Variants in ADK observed in about 807,000 individuals in gnomAD.
ADK encodes the protein adenosine kinase.
A neutral mutation model predicts 44.7 loss-of-function variants in ADK; 24 were observed. That is an observed-to-expected ratio of 0.54 (90% confidence interval 0.39 to 0.76). The LOEUF (loss-of-function observed/expected upper bound fraction) is 0.76, where lower values mean the gene tolerates loss of function less well. ADK is among the 30% of genes least tolerant of loss of function. The pLI is 0.00. For synonymous variants in ADK, 128 were observed against 142.6 expected, an observed-to-expected ratio of 0.90 and a Z score of 0.73; for missense variants, 321 against 425.1, an observed-to-expected ratio of 0.76 and a Z score of 2.15.
intron 3 of ADK, among the ~76,000 whole-genome samples, chr10:74,254,651 C>T (rs1368462856): frequency 6.6e-6 from 1 of 151,626 alleles, no homozygotes; most frequent in Non-Finnish European, 1.5e-5. Flanking sequence ...TATCTAATCA[C>T]AGAGTTTGTG....
intron 8 of ADK, 118 bp from the exon 9 acceptor site, chr10:74,600,261 T>C (rs899438693): frequency 4.5e-6 from 3 of 671,458 alleles, no homozygotes; most frequent in Non-Finnish European, 8.0e-6. Context: ...TTTTAATGTC[T>C]CTTAATAGAT....
intron 4 of ADK, among the ~76,000 whole-genome samples, chr10:74,362,209 C>T (rs930012726): frequency 6.6e-6 from 1 of 152,080 alleles, no homozygotes; most frequent in African/African-American, 2.4e-5. Context: ...GAATATTTGC[C>T]CTTTTGATGT....
intron 6 of ADK, among the ~76,000 whole-genome samples, chr10:74,509,159 C>T (rs1010844158): frequency 1.3e-5 from 2 of 151,882 alleles, no homozygotes; most frequent in African/African-American, 4.8e-5. Context: ...AAATAATTTA[C>T]AAATAATAAT....
At chr10:74,379,899 A>G (rs11001021) in intron 4 of ADK, among the ~76,000 whole-genome samples, 18,651 of 151,986 alleles carry the variant, frequency 0.12, 1,202 homozygotes, top group Middle Eastern at 0.17. Context: ...TGGCTTGCAC[A>G]TGTAGTTCTA....
chr10:74,491,012 C>T (rs1037012443), intron 6 of ADK, among the ~76,000 whole-genome samples: 2 of 151,962 alleles, frequency 1.3e-5, no homozygotes, highest in Non-Finnish European at 2.9e-5. Context: ...TTTTTATTCT[C>T]AAAAAATGTA....
intron 3 of ADK, among the ~76,000 whole-genome samples, chr10:74,272,340 A>G (rs1846464576): frequency 6.6e-6 from 1 of 151,834 alleles, no homozygotes; most frequent in Middle Eastern, 3.2e-3. Context: ...GCAGTGGCAT[A>G]ATCATGGCTC....
chr10:74,328,427 TG>T (rs1430215134), intron 4 of ADK, among the ~76,000 whole-genome samples: 15 of 152,138 alleles, frequency 9.9e-5, no homozygotes, highest in African/African-American at 3.6e-4. Context: ...TCTGCATATG[TG>T]GGCTTAGGGG....
At chr10:74,667,872 C>G (rs1262907883) in intron 9 of ADK, among the ~76,000 whole-genome samples, 3 of 152,212 alleles carry the variant, frequency 2.0e-5, no homozygotes, top group Admixed American at 6.5e-5. Flanking sequence ...AAAATAATCT[C>G]TTCCGTTGTC....
chr10:74,257,222 T>G (rs535183557), intron 3 of ADK, among the ~76,000 whole-genome samples: 2 of 152,170 alleles, frequency 1.3e-5, no homozygotes, highest in South Asian at 4.2e-4. Context: ...CCACAGTGGG[T>G]GCTGTGAAAC....
chr10:74,298,754 C>A (rs1168145638), intron 3 of ADK, among the ~76,000 whole-genome samples: 2 of 110,154 alleles, frequency 1.8e-5, no homozygotes, highest in Non-Finnish European at 4.3e-5. Context: ...AAAAAAACCC[C>A]CCAAAAAAAC....
intron 3 of ADK, among the ~76,000 whole-genome samples, chr10:74,270,888 A>G (rs1310967561): frequency 1.3e-5 from 2 of 152,232 alleles, no homozygotes; most frequent in Non-Finnish European, 2.9e-5. Flanking sequence ...CAAGGCAGCA[A>G]TTTGGATTCC....
chr10:74,197,804 T>A (rs1211707322), intron 1 of ADK, among the ~76,000 whole-genome samples: 1 of 152,168 alleles, frequency 6.6e-6, no homozygotes, highest in African/African-American at 2.4e-5. Context: ...TCTGTAAGAC[T>A]GTCTTTACTG....
intron 6 of ADK, among the ~76,000 whole-genome samples, chr10:74,482,342 A>G (rs1291488877): frequency 6.6e-6 from 1 of 152,152 alleles, no homozygotes; most frequent in Non-Finnish European, 1.5e-5. Flanking sequence ...AAACTCATGC[A>G]CTATCACAAG....
At chr10:74,367,472 G>C (rs1842531408) in intron 4 of ADK, among the ~76,000 whole-genome samples, 1 of 152,082 alleles carries the variant, frequency 6.6e-6, no homozygotes, top group Non-Finnish European at 1.5e-5. Flanking sequence ...CTCAAAAATG[G>C]TTAAGAGACA....
At chr10:74,168,716 G>A (rs1012666210) in intron 1 of ADK, among the ~76,000 whole-genome samples, 1 of 151,050 alleles carries the variant, frequency 6.6e-6, no homozygotes, top group Non-Finnish European at 1.5e-5. Flanking sequence ...GGGTTCAAGC[G>A]ATTCTCCTGC....
chr10:74,430,260 C>T (rs1164725912), intron 6 of ADK, among the ~76,000 whole-genome samples: 2 of 152,086 alleles, frequency 1.3e-5, no homozygotes, highest in African/African-American at 2.4e-5. Flanking sequence ...TAACTTCTTA[C>T]AAAACTATAG....
At chr10:74,613,290 T>G (rs113043920) in intron 9 of ADK, among the ~76,000 whole-genome samples, 42 of 152,230 alleles carry the variant, frequency 2.8e-4, no homozygotes, top group African/African-American at 1.0e-3. Context: ...CTGTCTATCC[T>G]CCACCTGTCA....
intron 3 of ADK, among the ~76,000 whole-genome samples, chr10:74,291,096 G>GGCTCATTATTATCTTTA (rs1375058606): frequency 6.6e-6 from 1 of 152,006 alleles, no homozygotes; most frequent in Admixed American, 6.6e-5. Flanking sequence ...AGGAGTTTTT[G>GGCTCATTATTATCTTTA]GCTCATTATT....
intron 10 of ADK, among the ~76,000 whole-genome samples, chr10:74,695,684 A>C (rs1856172023): frequency 6.6e-6 from 1 of 150,940 alleles, no homozygotes; most frequent in South Asian, 2.1e-4. Context: ...TGCCCAGGAT[A>C]GAATGAGTAC....
Sources: allele counts gnomAD v4.1 joint callset (sites outside exome capture counted in the v4.1 genomes callset), GRCh38; gene constraint gnomAD v4.1.1; transcripts MANE v1.5; gene names NCBI Gene and HGNC (gene_info 2026-07-23, HGNC 2026-07-21).